TENM4: variants seen among roughly 807,000 people sequenced by gnomAD.
TENM4 encodes the protein teneurin transmembrane protein 4.
A neutral mutation model predicts 243.3 loss-of-function variants in TENM4; 82 were observed. The ratio of observed to expected loss-of-function variants is 0.34; its 90% CI spans 0.28 to 0.40. TENM4 has a LOEUF of 0.40. Among genes scored for constraint, TENM4 ranks in the 10% least tolerant of loss-of-function variants. The pLI, the probability that TENM4 is intolerant of heterozygous loss-of-function variation, is 1.00. For missense variants in TENM4, 3,138 were observed against 3,673.3 expected (o/e 0.85, Z 3.77); for synonymous variants, 1,412 against 1,456.3 (o/e 0.97, Z 0.69).
intron 3 of TENM4, among the ~76,000 whole-genome samples, chr11:79,170,633 T>G (rs1206368171): frequency 6.6e-6 from 1 of 152,116 alleles, no homozygotes; most frequent in Admixed American, 6.5e-5. Flanking sequence ...TGCCTCTATA[T>G]ACGAAGGAAT....
At chr11:78,674,926 C>T (rs1026654904) in intron 30 of TENM4, among the ~76,000 whole-genome samples, 13 of 151,750 alleles carry the variant, frequency 8.6e-5, no homozygotes, top group African/African-American at 2.9e-4. Context: ...AGTGCAGCGG[C>T]GCGATCTCGG....
chr11:78,910,406 T>G (rs770074042), intron 6 of TENM4, among the ~76,000 whole-genome samples: 41 of 151,868 alleles, frequency 2.7e-4, no homozygotes, highest in African/African-American at 9.4e-4. Flanking sequence ...ACCACTGACA[T>G]GGGATGGTGA....
chr11:78,808,962 G>A (rs1448308321), intron 14 of TENM4, among the ~76,000 whole-genome samples: 1 of 152,184 alleles, frequency 6.6e-6, no homozygotes, highest in African/African-American at 2.4e-5. Flanking sequence ...AAACAACTCA[G>A]CAATTCCTAT....
intron 6 of TENM4, among the ~76,000 whole-genome samples, chr11:78,987,720 T>C (rs994219808): frequency 6.6e-6 from 1 of 152,188 alleles, no homozygotes; most frequent in Admixed American, 6.5e-5. Flanking sequence ...ATAATAAAAA[T>C]AGTAGTTACC....
chr11:78,776,589 T>C (rs978491829), intron 17 of TENM4, among the ~76,000 whole-genome samples: 4 of 152,242 alleles, frequency 2.6e-5, no homozygotes, highest in Non-Finnish European at 4.4e-5. Context: ...TGACAAGACC[T>C]GAGCTTCCAT....
At chr11:78,835,494 G>C (rs938200194) in intron 12 of TENM4, among the ~76,000 whole-genome samples, 2 of 152,168 alleles carry the variant, frequency 1.3e-5, no homozygotes, top group Non-Finnish European at 2.9e-5. Flanking sequence ...GACAGAGCAA[G>C]ACTCTGTCTC....
intron 9 of TENM4, among the ~76,000 whole-genome samples, chr11:78,886,354 G>T (rs1432487747): frequency 6.6e-6 from 1 of 152,206 alleles, no homozygotes; most frequent in African/African-American, 2.4e-5. Context: ...ATAATTGATA[G>T]TTCCTTCCAA....
intron 2 of TENM4, among the ~76,000 whole-genome samples, chr11:79,230,260 C>T (rs1004453996): frequency 1.3e-5 from 2 of 152,220 alleles, no homozygotes; most frequent in African/African-American, 4.8e-5. Context: ...CCCACACTCT[C>T]TGGAGGAGTA....
At chr11:78,946,050 T>A (rs1856996521) in intron 6 of TENM4, among the ~76,000 whole-genome samples, 1 of 152,214 alleles carries the variant, frequency 6.6e-6, no homozygotes, top group African/African-American at 2.4e-5. Context: ...GCTAAGATTG[T>A]TGATGAAGGT....
intron 2 of TENM4, among the ~76,000 whole-genome samples, chr11:79,250,178 G>T (rs559046527): frequency 4.3e-4 from 65 of 152,132 alleles, no homozygotes; most frequent in Admixed American, 1.7e-3. Flanking sequence ...GTAGAGACAG[G>T]TTTTCACCAT....
intron 3 of TENM4, among the ~76,000 whole-genome samples, chr11:79,165,469 A>G (rs1862891229): frequency 1.3e-5 from 2 of 152,078 alleles, no homozygotes; most frequent in Non-Finnish European, 2.9e-5. Flanking sequence ...TCATGTTCTT[A>G]GCCTACTTTT....
chr11:79,089,912 C>T (rs1466501852), intron 4 of TENM4, among the ~76,000 whole-genome samples: 1 of 152,148 alleles, frequency 6.6e-6, no homozygotes, highest in Non-Finnish European at 1.5e-5. Context: ...CACAGCACTT[C>T]TTAAGGGAGC....
chr11:79,351,974 C>T (rs1010280604), intron 1 of TENM4, among the ~76,000 whole-genome samples: 2 of 152,078 alleles, frequency 1.3e-5, no homozygotes, highest in African/African-American at 4.8e-5. Context: ...TTCCTCAGCC[C>T]CCTCAAATCC....
chr11:78,666,760 C>T (rs965835455), intron 32 of TENM4, among the ~76,000 whole-genome samples: 2 of 152,250 alleles, frequency 1.3e-5, no homozygotes, highest in East Asian at 1.9e-4. Flanking sequence ...TTTGGAGTCT[C>T]ATCTGCAGAA....
chr11:79,393,652 C>T (rs1395950318), intron 1 of TENM4, among the ~76,000 whole-genome samples: 1 of 152,100 alleles, frequency 6.6e-6, no homozygotes, highest in Non-Finnish European at 1.5e-5. Context: ...GAAAGCTTGC[C>T]CAGAGGAGCA....
chr11:79,214,106 C>T (rs1180902267), intron 3 of TENM4, among the ~76,000 whole-genome samples: 2 of 152,068 alleles, frequency 1.3e-5, no homozygotes, highest in African/African-American at 2.4e-5. Flanking sequence ...ATTTTCCTGC[C>T]TCAGCCTCCC....
intron 4 of TENM4, among the ~76,000 whole-genome samples, chr11:79,129,811 G>A (rs1861963898): frequency 6.6e-6 from 1 of 152,144 alleles, no homozygotes; most frequent in South Asian, 2.1e-4. Context: ...CCCTGGTAGT[G>A]GAAGACAAAG....
At chr11:79,428,382 C>G (rs1046535849) in intron 1 of TENM4, among the ~76,000 whole-genome samples, 1 of 152,214 alleles carries the variant, frequency 6.6e-6, no homozygotes, top group Non-Finnish European at 1.5e-5. Context: ...AAGTGAAGAG[C>G]CTCCAGGCCT....
At chr11:79,027,913 G>A (rs545029216) in intron 6 of TENM4, among the ~76,000 whole-genome samples, 1 of 152,264 alleles carries the variant, frequency 6.6e-6, no homozygotes, top group African/African-American at 2.4e-5. Flanking sequence ...GTACTATGAA[G>A]CCCATTTTAC....
Sources: gnomAD v4.1 joint callset for allele counts (sites outside exome capture counted in the v4.1 genomes callset) on GRCh38, gnomAD v4.1.1 for gene constraint, MANE v1.5 for transcripts, NCBI Gene and HGNC (gene_info 2026-07-23, HGNC 2026-07-21) for gene names.